NEK9: variants seen among roughly 807,000 people sequenced by gnomAD.
The protein encoded by NEK9 is NIMA related kinase 9.
In NEK9, 75 loss-of-function variants were observed where a neutral mutation model predicts 123.4. That is an observed-to-expected ratio of 0.61 (90% CI 0.50 to 0.74). The LOEUF is 0.74. Among genes scored for constraint, NEK9 ranks in the 30% least tolerant of loss-of-function variants. The probability of loss-of-function intolerance (pLI) is 0.00; values close to 1 mark genes in which losing one functional copy is unlikely to be tolerated. For synonymous variants in NEK9, 438 were observed against 458.7 expected, an observed-to-expected ratio of 0.95 and a Z score of 0.58; for missense variants, 952 against 1,214.4, an observed-to-expected ratio of 0.78 and a Z score of 3.21.
chr14:75,098,379 T>A (rs1389815598), intron 16 of NEK9, among the ~76,000 whole-genome samples: 1 of 152,152 alleles, frequency 6.6e-6, no homozygotes, highest in African/African-American at 2.4e-5. Context: ...CATGAAGGCA[T>A]GAATCAGGAT....
chr14:75,099,274 G>A (rs972448342), intron 16 of NEK9, among the ~76,000 whole-genome samples: 1 of 151,756 alleles, frequency 6.6e-6, no homozygotes, highest in Non-Finnish European at 1.5e-5. Flanking sequence ...GCACTGAGCC[G>A]AGATCATACC....
rs952645447 is a variant in NEK9, at chr14:75,083,311, T to C, written c.*1253A>G. ...AAATACTTGCCTAGAACTTTCTATA[T>C]GAAGTTTTGTTCTTCTATGACACTA... On this transcript the variant is annotated 3_prime_UTR_variant, in exon 22 of 22. Coordinates refer to ENST00000238616, the MANE Select transcript of NEK9 (RefSeq NM_033116.6). 2.6e-6 allele frequency: 1 copy of C among 387,434 alleles called. No homozygotes were observed. The highest frequency in any genetic ancestry group is 4.6e-6 in the Non-Finnish European group (1 of 219,454). The allele number at this position is 387,434 out of a possible 1,614,324, so 24.0% of individuals were successfully genotyped here.
chr14:75,099,593 C>T (rs1894495758), intron 16 of NEK9, among the ~76,000 whole-genome samples: 1 of 151,422 alleles, frequency 6.6e-6, no homozygotes, highest in South Asian at 2.1e-4. Context: ...ACCAGTCTGG[C>T]TAACAGGGCA....
At chr14:75,104,867 C>T (rs547481500) in intron 13 of NEK9, among the ~76,000 whole-genome samples, 1 of 152,320 alleles carries the variant, frequency 6.6e-6, no homozygotes, top group South Asian at 2.1e-4. Context: ...CAAGACAGCA[C>T]CCTCTCAGTT....
At chr14:75,123,687 T>G (rs536277516) in intron 2 of NEK9, among the ~76,000 whole-genome samples, 1 of 152,274 alleles carries the variant, frequency 6.6e-6, no homozygotes, top group South Asian at 2.1e-4. Context: ...TAAATAAATA[T>G]CACCTATAAG....
intron 8 of NEK9, among the ~76,000 whole-genome samples, chr14:75,110,893 A>C (rs930259980): frequency 6.6e-6 from 1 of 152,096 alleles, no homozygotes; most frequent in African/African-American, 2.4e-5. Flanking sequence ...TACAGATTCT[A>C]CCTATATAGT....
In NEK9 at chr14:75,105,969, T is replaced by C; in HGVS notation, c.1556A>G (p.Asp519Gly). The change falls in exon 13 of 22, where the codon GAT becomes GGT. Residue 519 changes from aspartate (D) to glycine (G), a missense_variant. Physicochemically the swap from Asp to Gly is moderately conservative, Grantham distance 94. Transcript: ENST00000238616. ...TTTTACCTTTTGTGGTGTATAATAA[T>C]CCTCTTCTGAATCCAAACCCAGTCG... ...YGRLGLDSEE[D>G]YYTPQKVDVP... 6.2e-7 allele frequency: 1 copy of C among 1,613,716 alleles called. No individual in the cohort carries two copies. The highest frequency in any genetic ancestry group is 8.5e-7 in the Non-Finnish European group (1 of 1,179,642).
At chr14:75,099,849 G>T (rs1322443570) in intron 16 of NEK9, among the ~76,000 whole-genome samples, 1 of 151,264 alleles carries the variant, frequency 6.6e-6, no homozygotes, top group South Asian at 2.1e-4. Flanking sequence ...AGCCACAGAG[G>T]ACCAGGTGCA....
chr14:75,106,794 G>A (rs1275162007), intron 11 of NEK9, 92 bp from the exon 12 acceptor site: 10 of 884,370 alleles, frequency 1.1e-5, no homozygotes, highest in Non-Finnish European at 1.6e-5. Flanking sequence ...GACTACCCCA[G>A]CAAATGATCT....
intron 19 of NEK9, among the ~76,000 whole-genome samples, chr14:75,089,073 A>AT (rs1194780062): frequency 9.5e-4 from 142 of 148,802 alleles, no homozygotes; most frequent in South Asian, 1.7e-3. Context: ...AAACCTACAG[A>AT]TTTTTTTTTT....
chr14:75,107,283 G>T lies in NEK9; in HGVS notation c.1327+60C>A, dbSNP rs1331787413. The T allele has an allele frequency of 8.3e-6, 13 of 1,558,094 alleles. No homozygotes were observed. In the Admixed American group the frequency reaches 2.2e-4, roughly 26 times the overall value. On this transcript the variant is annotated intron_variant, in intron 11 of 21. Coordinates refer to ENST00000238616, the MANE Select transcript of NEK9 (RefSeq NM_033116.6). Reference sequence around the variant, plus strand: ...TTAAAATCCCAACTAAGATTGCACAGCATTAAGCAAAATACCCCCACATTA... The same window carrying T: ...TTAAAATCCCAACTAAGATTGCACATCATTAAGCAAAATACCCCCACATTA...
intron 21 of NEK9, among the ~76,000 whole-genome samples, chr14:75,085,642 T>C (rs1463977474): frequency 6.6e-6 from 1 of 152,216 alleles, no homozygotes; most frequent in Admixed American, 6.5e-5. Context: ...GACAACACCC[T>C]GAGAAAACAA....
At chr14:75,120,697 G>A in intron 3 of NEK9, 117 bp from the exon 4 acceptor site, 3 of 767,986 alleles carry the variant, frequency 3.9e-6, no homozygotes, top group Non-Finnish European at 6.4e-6. Flanking sequence ...GATTCAACAT[G>A]ACTTGACATC....
At chr14:75,109,405 G>A (rs554490632) in intron 10 of NEK9, among the ~76,000 whole-genome samples, 1 of 152,262 alleles carries the variant, frequency 6.6e-6, no homozygotes, top group East Asian at 1.9e-4. Flanking sequence ...TCATCCAGCT[G>A]TAAATGGGAA....
chr14:75,085,173 G>A, intron 21 of NEK9: 1 of 154,734 alleles, frequency 6.5e-6, no homozygotes, highest in Non-Finnish European at 1.4e-5. Context: ...TGCCCAGTTA[G>A]TTTTTATTTT....
At chr14:75,086,876 G>A in intron 21 of NEK9, 142 bp downstream of exon 21, 1 of 815,088 alleles carries the variant, frequency 1.2e-6, no homozygotes, top group East Asian at 2.6e-5. Context: ...ACTGCACTCT[G>A]GCCTGGCAAC....
chr14:75,088,188 C>G (rs548410481), intron 20 of NEK9, among the ~76,000 whole-genome samples: 2 of 152,334 alleles, frequency 1.3e-5, no homozygotes, highest in South Asian at 4.1e-4. Context: ...CTCTAACCTA[C>G]CCTGCCAGTG....
chr14:75,097,252 C>T lies in NEK9; in HGVS notation c.2021G>A (p.Trp674Ter), dbSNP rs754876086. 1.9e-6 allele frequency: 3 copies of T among 1,598,776 alleles called. No individual in the cohort carries two copies. Among genetic ancestry groups the T allele is most frequent in the Non-Finnish European group, 2.6e-6 (3 of 1,173,122 alleles). The change falls in exon 17 of 22, where the codon TGG becomes TAG. Residue 674 changes from tryptophan (W) to a stop codon, truncating the protein, a stop_gained. Coordinates refer to ENST00000238616, the MANE Select transcript of NEK9 (RefSeq NM_033116.6). LOFTEE classifies it high-confidence loss of function. Reference protein sequence around the residue: ...AATDDNHIFAWGNGGNGRLAM... With the variant: ...AATDDNHIFA The stretch of plus-strand genomic sequence containing the variant: ...CAGGCGGCCATTACCACCATTGCCC[C>T]AGGCAAAAATGTGATTATCTAGGAA...
intron 5 of NEK9, among the ~76,000 whole-genome samples, chr14:75,117,626 G>GAAGACTTTACACAAACTTA: frequency 6.6e-6 from 1 of 152,290 alleles, no homozygotes; most frequent in Admixed American, 6.5e-5. Context: ...AAGGCCTACT[G>GAAGACTTTACACAAACTTA]AAGACTTTAC....
Sources: gnomAD v4.1 joint callset for allele counts (sites outside exome capture counted in the v4.1 genomes callset) on GRCh38, gnomAD v4.1.1 for gene constraint, MANE v1.5 for transcripts, NCBI Gene and HGNC (gene_info 2026-07-23, HGNC 2026-07-21) for gene names.